The following SYNE2 variants were observed in gnomAD, a reference collection of about 807,000 sequenced individuals.
SYNE2 encodes spectrin repeat containing nuclear envelope protein 2.
SYNE2 carries 431 observed loss-of-function variants against 856.3 expected under a neutral mutation model. That is an observed-to-expected ratio of 0.50 (90% CI 0.47 to 0.55). The LOEUF is 0.55. SYNE2 is among the 20% of genes least tolerant of loss of function. SYNE2 has a pLI of 0.00. For synonymous variants in SYNE2, 2,923 were observed against 2,872.3 expected, an observed-to-expected ratio of 1.02 and a Z score of -0.56; for missense variants, 8,129 against 8,023.2, an observed-to-expected ratio of 1.01 and a Z score of -0.50.
intron 21 of SYNE2, among the ~76,000 whole-genome samples, chr14:63,993,547 C>T (rs961754456): frequency 1.3e-5 from 2 of 152,160 alleles, no homozygotes; most frequent in Admixed American, 6.5e-5. Context: ...AATGGGGTAA[C>T]AAAAATCATT....
intron 57 of SYNE2, among the ~76,000 whole-genome samples, chr14:64,083,880 A>T (rs1177929692): frequency 6.6e-6 from 1 of 152,232 alleles, no homozygotes; most frequent in African/African-American, 2.4e-5. Flanking sequence ...TGTAAGAATA[A>T]CTGAAACATA....
chr14:63,971,912 T>C (rs1312631296), intron 11 of SYNE2, among the ~76,000 whole-genome samples: 1 of 152,234 alleles, frequency 6.6e-6, no homozygotes, highest in Non-Finnish European at 1.5e-5. Flanking sequence ...TATAGAGTTA[T>C]GACAGGAACT....
At chr14:63,848,698 T>A (rs970671880), upstream of SYNE2, among the ~76,000 whole-genome samples, 2 of 152,256 alleles carry the variant, frequency 1.3e-5, no homozygotes, top group East Asian at 3.8e-4. Flanking sequence ...ATGGAATTTT[T>A]AAAATCTAAT....
intron 1 of SYNE2, among the ~76,000 whole-genome samples, chr14:63,845,323 G>A (rs1595167762): frequency 6.6e-6 from 1 of 152,008 alleles, no homozygotes; most frequent in Admixed American, 6.6e-5. Context: ...GGCTGAGGCA[G>A]GAGAATCACT....
chr14:63,955,413 G>T (rs1255875), intron 8 of SYNE2, among the ~76,000 whole-genome samples: 103,104 of 152,028 alleles, frequency 0.68, 35,204 homozygotes, highest in South Asian at 0.76. Flanking sequence ...TAAGTACTGG[G>T]TAGTTTTAGA....
chr14:64,173,535 T>C (rs1248330174), intron 94 of SYNE2, among the ~76,000 whole-genome samples: 1 of 152,232 alleles, frequency 6.6e-6, no homozygotes, highest in Non-Finnish European at 1.5e-5. Context: ...GCTCCCATTT[T>C]GGAAAAATGC....
intron 49 of SYNE2, among the ~76,000 whole-genome samples, chr14:64,059,693 C>T (rs1189308827): frequency 1.3e-5 from 2 of 152,270 alleles, no homozygotes; most frequent in African/African-American, 4.8e-5. Flanking sequence ...CCTACGTTTG[C>T]TCAAGGCCCT....
chr14:64,051,710 G>A lies in SYNE2; in HGVS notation c.7797G>A (p.Gln2599=). The change falls in exon 48 of 116, where the codon CAG becomes CAA. Residue 2599 remains glutamine (Q), a synonymous_variant. Transcript: ENST00000555002. ...TGGATAAGAAATTGTTGGAAAGCCA[G>A]ATTAAGCAACTTGAACATGGTTGGG... is the stretch of plus-strand genomic sequence containing the variant. The part of the protein sequence containing the change: ...TDMDKKLLES[Q]IKQLEHGWEQ... 1.2e-6 allele frequency: 2 copies of A among 1,614,196 alleles called. No homozygotes were observed. Among genetic ancestry groups the A allele is most frequent in the Non-Finnish European group, 1.7e-6 (2 of 1,180,030 alleles).
Position 64,031,083 on chromosome 14 carries a change from T to G in SYNE2, c.6947T>G (p.Val2316Gly), listed in dbSNP as rs779295645. 6.2e-7 allele frequency: 1 copy of G among 1,614,036 alleles called. No homozygotes were observed. Among genetic ancestry groups the G allele is most frequent in the South Asian group, 1.1e-5 (1 of 91,030 alleles). ...AAGATTTTAGCTTTAGCAAAATCCGTCAAGCAAAATACATCTTCAGTGGGG... is the reference window on the plus strand; with the variant it reads ...AAGATTTTAGCTTTAGCAAAATCCGGCAAGCAAAATACATCTTCAGTGGGG... ...LKKILALAKSVKQNTSSVGQK... is the reference protein window; with the variant it reads ...LKKILALAKSGKQNTSSVGQK... Residue 2316 changes from valine to glycine, a missense_variant, in exon 45 of 116, where the codon GTC (valine) becomes GGC (glycine). Physicochemically the swap from Val to Gly is moderately radical, Grantham distance 109 (BLOSUM62 -3). This residue lies in a region of SYNE2 where 297 missense variants were observed against 380.9 expected (regional missense o/e 0.78). Transcript: ENST00000555002.
chr14:64,155,029 C>T (rs1312335742), intron 85 of SYNE2, among the ~76,000 whole-genome samples: 3 of 152,118 alleles, frequency 2.0e-5, no homozygotes, highest in East Asian at 1.9e-4. Flanking sequence ...AACTGCTGGC[C>T]GGGTTCCATG....
rs770252098 is a variant in SYNE2, at chr14:64,074,035, A to G, written c.10765A>G (p.Thr3589Ala). The G allele has an allele frequency of 2.5e-6, 4 of 1,614,240 alleles. No homozygotes were observed. The South Asian group carries it at 3.3e-5, about 13-fold the overall frequency. ...TGAAATCCAAGAAAGACATTCCTTC[A>G]CAAAAGAGATAATTGCTTTGAAGAA... ...QTEIQERHSFTKEIIALKNFF... is the reference protein window; with the variant it reads ...QTEIQERHSFAKEIIALKNFF... The change falls in exon 53 of 116, where the codon ACA (threonine) becomes GCA (alanine). Residue 3589 changes from threonine to alanine, a missense_variant. Around this residue, in one of 3 missense-constraint regions of SYNE2, gnomAD observed 5,410 missense variants for 5,284.8 expected, o/e 1.02. Coordinates refer to ENST00000555002, the MANE Select transcript of SYNE2 (RefSeq NM_182914.3).
At chr14:64,125,691 TAAAGAAAAAGAGG>T (rs2097938019) in intron 71 of SYNE2, among the ~76,000 whole-genome samples, 1 of 152,094 alleles carries the variant, frequency 6.6e-6, no homozygotes, top group African/African-American at 2.4e-5. Context: ...TAACTGTGGG[TAAAGAAAAAGAGG>T]TGGCCCCAGC....
At chr14:64,007,998 G>A (rs1476399971) in intron 31 of SYNE2, among the ~76,000 whole-genome samples, 1 of 150,310 alleles carries the variant, frequency 6.7e-6, no homozygotes, top group South Asian at 2.1e-4. Flanking sequence ...ACCCTGTCTC[G>A]AAAAAAAAAG....
chr14:64,052,716 T>C lies in SYNE2; in HGVS notation c.8803T>C (p.Cys2935Arg). The stretch of plus-strand genomic sequence containing the variant: ...AATACAAAGATTCATTCAGAATACA[T>C]GTAATGAAGTGGAACACAAGATAAA... ...NRIQRFIQNT[C>R]NEVEHKIKFC... is the part of the protein sequence containing the mutation. The change falls in exon 48 of 116, where the codon TGT (cysteine) becomes CGT (arginine). Residue 2935 changes from cysteine (C) to arginine (R), a missense_variant. By Grantham distance (180) the Cys-to-Arg change is radical. Transcript: ENST00000555002. 2 of 1,613,660 alleles carry C rather than the reference T, an allele frequency of 1.2e-6. No individual in the cohort carries two copies. The highest frequency in any genetic ancestry group is 1.7e-6 in the Non-Finnish European group (2 of 1,179,752).
intron 1 of SYNE2, among the ~76,000 whole-genome samples, chr14:63,866,677 A>T (rs1458973846): frequency 6.6e-6 from 1 of 152,240 alleles, no homozygotes; most frequent in South Asian, 2.1e-4. Context: ...ATGATAAAAC[A>T]GCAATAAGAA....
intron 99 of SYNE2, among the ~76,000 whole-genome samples, chr14:64,196,172 C>T (rs566933639): frequency 6.6e-6 from 1 of 152,274 alleles, no homozygotes; most frequent in African/African-American, 2.4e-5. Flanking sequence ...TCTGATTCCA[C>T]TGGTATAGCA....
At chr14:64,126,288 G>A in intron 71 of SYNE2, 39 bp from the exon 72 acceptor site, 2 of 1,579,114 alleles carry the variant, frequency 1.3e-6, no homozygotes, top group Non-Finnish European at 1.7e-6. Context: ...GAAGGCAAAG[G>A]TATCTTAATT....
chr14:64,106,652 A>G (rs1278759180), intron 64 of SYNE2, among the ~76,000 whole-genome samples: 1 of 152,250 alleles, frequency 6.6e-6, no homozygotes, highest in Non-Finnish European at 1.5e-5. Flanking sequence ...CCGTCTCAAA[A>G]AAAAATATTA....
chr14:64,124,425 G>A (rs1343993834), intron 70 of SYNE2, among the ~76,000 whole-genome samples: 3 of 144,840 alleles, frequency 2.1e-5, no homozygotes, highest in Admixed American at 7.0e-5. Context: ...ATGTTGTACA[G>A]GCTGGTCTTG....
Sources: allele counts gnomAD v4.1 joint callset (sites outside exome capture counted in the v4.1 genomes callset), GRCh38; gene constraint gnomAD v4.1.1; regional missense constraint gnomAD v4.1.1; transcripts MANE v1.5; gene names NCBI Gene and HGNC (gene_info 2026-07-23, HGNC 2026-07-21).